Variants in PIP4K2B observed in about 807,000 individuals in gnomAD.
The protein encoded by PIP4K2B is phosphatidylinositol 5-phosphate 4-kinase type-2 beta.
A neutral mutation model predicts 42.0 loss-of-function variants in PIP4K2B; 3 were observed. The ratio of observed to expected loss-of-function variants is 0.07; its 90% CI spans 0.03 to 0.18. The LOEUF is 0.18. Among genes scored for constraint, PIP4K2B ranks in the 10% least tolerant of loss-of-function variants. PIP4K2B has a pLI of 1.00. For missense variants in PIP4K2B, 332 were observed against 562.3 expected (o/e 0.59, Z 4.14); for synonymous variants, 204 against 210.1 (o/e 0.97, Z 0.25).
At chr17:38,772,566 T>C (rs1289747463) in intron 7 of PIP4K2B, among the ~76,000 whole-genome samples, 3 of 151,886 alleles carry the variant, frequency 2.0e-5, no homozygotes, top group African/African-American at 4.9e-5. Context: ...AATTCAGATA[T>C]GCCAAAGAGA....
intron 2 of PIP4K2B, among the ~76,000 whole-genome samples, chr17:38,786,551 G>A (rs928173514): frequency 5.3e-5 from 8 of 152,212 alleles, no homozygotes; most frequent in Admixed American, 3.9e-4. Context: ...ACTGCCACCT[G>A]AGCTGGCTCT....
Position 38,799,468 on chromosome 17 carries a change from G to A in PIP4K2B, c.-44C>T, listed in dbSNP as rs1231862831. ...GGCGGCGAAAGAGGGGGGCGGCGGA[G>A]ACAGCGCACAAGCCAGCGGCCTCAG... On this transcript the variant is annotated 5_prime_UTR_variant, in exon 1 of 10. Transcript: ENST00000619039. The surrounding 1 kb of genome is among the most constrained non-coding windows in gnomAD (Gnocchi z 4.4). 5 of 1,517,790 alleles carry A rather than the reference G, an allele frequency of 3.3e-6. No individual in the cohort carries two copies. Among genetic ancestry groups the A allele is most frequent in the Non-Finnish European group, 3.5e-6 (4 of 1,140,710 alleles). The allele number at this position is 1,517,790 out of a possible 1,614,324, so 94.0% of individuals were successfully genotyped here.
chr17:38,776,645 A>G (rs748398165), intron 7 of PIP4K2B: 1 of 442,922 alleles, frequency 2.3e-6, no homozygotes. Flanking sequence ...AACAAAACAA[A>G]CAAACAAACA....
intron 1 of PIP4K2B, among the ~76,000 whole-genome samples, chr17:38,798,673 G>A (rs1910778336): frequency 6.6e-6 from 1 of 152,220 alleles, no homozygotes; most frequent in Admixed American, 6.5e-5. Flanking sequence ...AGACCCAGGT[G>A]AAGTGTCTGG....
intron 7 of PIP4K2B, chr17:38,776,102 C>T (rs1352844368): frequency 1.2e-5 from 5 of 429,580 alleles, no homozygotes; most frequent in South Asian, 4.9e-5. Flanking sequence ...TCCCAAGTAG[C>T]TGGGATTACA....
rs754600970 is a variant in PIP4K2B at position 38,780,531 on chromosome 17, T to C, written c.428A>G (p.Tyr143Cys). The C allele has an allele frequency of 1.9e-6, 3 of 1,614,092 alleles. No individual in the cohort carries two copies. The highest frequency in any genetic ancestry group is 2.5e-6 in the Non-Finnish European group (3 of 1,179,936). ...AGTCTTGATGACAAAGCGCCGGTCG[T>C]AGGTGGTGAGGAAACGCGTGCCACA... ...GRCGTRFLTT[Y>C]DRRFVIKTVS... is the part of the protein sequence containing the mutation. The change falls in exon 4 of 10, where the codon TAC (tyrosine) becomes TGC (cysteine). Residue 143 changes from tyrosine (Y) to cysteine (C), a missense_variant. This residue lies in a region of PIP4K2B where 186 missense variants were observed against 288.4 expected (regional missense o/e 0.64). Coordinates refer to ENST00000619039, the MANE Select transcript of PIP4K2B (RefSeq NM_003559.5).
At chr17:38,786,742 C>T in intron 2 of PIP4K2B, 81 bp downstream of exon 2, 1 of 890,368 alleles carries the variant, frequency 1.1e-6, no homozygotes. Flanking sequence ...TTGGCTCCCA[C>T]CATGCATGAG....
chr17:38,789,225 CCTT>C (rs1910209257), intron 1 of PIP4K2B, among the ~76,000 whole-genome samples: 1 of 152,240 alleles, frequency 6.6e-6, no homozygotes, highest in Non-Finnish European at 1.5e-5. Context: ...TGCAAACAAA[CCTT>C]CTGACTTTCA....
chr17:38,775,980 C>CTT (rs562942370), intron 7 of PIP4K2B: 181 of 400,618 alleles, frequency 4.5e-4, no homozygotes, highest in Middle Eastern at 7.6e-4. Context: ...TGTTTGCTTC[C>CTT]TTTTTTTTTT....
chr17:38,776,821 C>T (rs1487347818), intron 7 of PIP4K2B, among the ~76,000 whole-genome samples: 1 of 152,192 alleles, frequency 6.6e-6, no homozygotes, highest in East Asian at 1.9e-4. Flanking sequence ...TATTTAGCAC[C>T]TGTCCTCCCC....
intron 1 of PIP4K2B, among the ~76,000 whole-genome samples, chr17:38,791,456 TCCCAG>T (rs1254122236): frequency 6.8e-6 from 1 of 146,236 alleles, no homozygotes; most frequent in Non-Finnish European, 1.5e-5. Flanking sequence ...TGCTCTGGTT[TCCCAG>T]GCTGGAGTGC....
chr17:38,770,905 A>G, intron 8 of PIP4K2B, 109 bp downstream of exon 8: 1 of 1,264,850 alleles, frequency 7.9e-7, no homozygotes, highest in Admixed American at 2.0e-5. Context: ...GGTCAAAGGC[A>G]GCAATGAATG....
chr17:38,776,869 C>CAA (rs1909385423), intron 7 of PIP4K2B, among the ~76,000 whole-genome samples: 1 of 152,100 alleles, frequency 6.6e-6, no homozygotes, highest in South Asian at 2.1e-4. Flanking sequence ...AGTGGAGAAT[C>CAA]AGAGCCAGAG....
In PIP4K2B at chr17:38,784,359, T is replaced by C. The variant is rs1333225285; in HGVS notation, c.258-20A>G. 29 of 1,423,406 alleles carry C rather than the reference T, an allele frequency of 2.0e-5. No homozygotes were observed. The Admixed American group carries it at 4.5e-4, about 22-fold the overall frequency. The allele number at this position is 1,423,406 out of a possible 1,614,324, so 88.2% of individuals were successfully genotyped here. A position where few individuals can be genotyped will look rare whatever the true frequency, so the allele number is the denominator to read the frequency against. On this transcript the variant is annotated intron_variant, in intron 2 of 9. Transcript: ENST00000619039. ...TTCTCCCTAGGGAAAAGCAGAGATA[T>C]GTCTTTGTGAACTGCCCCTTGCTCA...
intron 1 of PIP4K2B, among the ~76,000 whole-genome samples, chr17:38,788,413 G>A (rs1910157829): frequency 6.6e-6 from 1 of 151,774 alleles, no homozygotes; most frequent in African/African-American, 2.4e-5. Context: ...TGTTAGCCTG[G>A]ATAGTCTCGA....
chr17:38,792,151 C>CTTGATTGATTGA (rs60479195), intron 1 of PIP4K2B, among the ~76,000 whole-genome samples: 36,395 of 151,188 alleles, frequency 0.24, 4,537 homozygotes, highest in African/African-American at 0.3. Context: ...ATGAAAATTC[C>CTTGATTGATTGA]TTGATTGATT....
At chr17:38,788,422 G>A (rs1191359857) in intron 1 of PIP4K2B, among the ~76,000 whole-genome samples, 1 of 151,774 alleles carries the variant, frequency 6.6e-6, no homozygotes, top group Non-Finnish European at 1.5e-5. Context: ...GGATAGTCTC[G>A]ATCTCCTGAG....
At chr17:38,777,973 G>A (rs1025977227) in intron 6 of PIP4K2B, among the ~76,000 whole-genome samples, 173 bp from the exon 7 acceptor site, 9 of 152,170 alleles carry the variant, frequency 5.9e-5, no homozygotes, top group Admixed American at 3.3e-4. Context: ...GCTTTGGGTG[G>A]GCAGGGAGGG....
rs777642616 is a variant in PIP4K2B, at chr17:38,786,871, T to A, written c.209A>T (p.Asp70Val). ...CTTGATCTTGCTGTAGGCTTTGAAG[T>A]CATCTGGCATTAGCATGACAGGAAC... is the stretch of plus-strand genomic sequence containing the variant. ...VPVPVMLMPD[D>V]FKAYSKIKVD... The change falls in exon 2 of 10, where the codon GAC becomes GTC. Residue 70 changes from aspartate to valine, a missense_variant. Asp to Val is a radical substitution (Grantham distance 152, BLOSUM62 -3). Coordinates refer to ENST00000619039, the MANE Select transcript of PIP4K2B (RefSeq NM_003559.5). The A allele has an allele frequency of 6.2e-7, 1 of 1,613,548 alleles. No individual in the cohort carries two copies. Among genetic ancestry groups the A allele is most frequent in the Admixed American group, 1.7e-5 (1 of 60,020 alleles).
Sources: allele counts gnomAD v4.1 joint callset (sites outside exome capture counted in the v4.1 genomes callset), GRCh38; gene constraint gnomAD v4.1.1; regional missense constraint gnomAD v4.1.1; non-coding constraint Gnocchi (gnomAD v3.1); transcripts MANE v1.5; gene names NCBI Gene and HGNC (gene_info 2026-07-23, HGNC 2026-07-21).